Variants in CNTNAP2 observed in about 807,000 individuals in gnomAD.
CNTNAP2 encodes the protein contactin-associated protein-like 2.
CNTNAP2 carries 98 observed loss-of-function variants against 155.2 expected under a neutral mutation model. The ratio of observed to expected loss-of-function variants is 0.63; its 90% CI spans 0.54 to 0.75. The LOEUF is 0.75. Among genes scored for constraint, CNTNAP2 ranks in the 30% least tolerant of loss-of-function variants. The pLI, the probability that CNTNAP2 is intolerant of heterozygous loss-of-function variation, is 0.00. For missense variants in CNTNAP2, 1,727 were observed against 1,688.1 expected (o/e 1.02, Z -0.40); for synonymous variants, 651 against 631.2 (o/e 1.03, Z -0.47).
intron 3 of CNTNAP2, among the ~76,000 whole-genome samples, chr7:147,035,672 T>A (rs551857195): frequency 2.6e-5 from 4 of 152,294 alleles, no homozygotes; most frequent in African/African-American, 9.6e-5. Flanking sequence ...AATAGCTAAT[T>A]GTTTTAGGCA....
chr7:146,939,340 C>T (rs1033143609), intron 3 of CNTNAP2, among the ~76,000 whole-genome samples: 1 of 152,178 alleles, frequency 6.6e-6, no homozygotes, highest in Non-Finnish European at 1.5e-5. Flanking sequence ...ACATCTATAA[C>T]TAGCAAATAG....
chr7:147,006,785 T>C (rs1435479049), intron 3 of CNTNAP2, among the ~76,000 whole-genome samples: 1 of 152,104 alleles, frequency 6.6e-6, no homozygotes, highest in East Asian at 1.9e-4. Flanking sequence ...TGTTTCCTTG[T>C]AATGCTTTTG....
At chr7:147,006,108 C>T (rs1250437304) in intron 3 of CNTNAP2, among the ~76,000 whole-genome samples, 1 of 151,984 alleles carries the variant, frequency 6.6e-6, no homozygotes, top group African/African-American at 2.4e-5. Context: ...ACACCATGCA[C>T]ATGCATGTAT....
Position 147,003,002 on chromosome 7 carries a change from T to A in CNTNAP2, c.403-40905T>A, listed in dbSNP as rs188282634. ...GCAAACTGGAAAAGAAGACAAGGAT[T>A]TAGAAAACCAAAGGACTAACAGAAA... On this transcript the variant is annotated intron_variant, in intron 3 of 23. Transcript: ENST00000361727. 1.4e-3 allele frequency among the ~76,000 whole-genome samples: 214 copies of A among 148,984 alleles called. 3 individuals are homozygous for A. Among genetic ancestry groups the A allele is most frequent in the African/African-American group, 4.6e-3 (189 of 40,704 alleles).
At chr7:147,618,739 G>A (rs189538735) in intron 12 of CNTNAP2, among the ~76,000 whole-genome samples, 32 of 149,436 alleles carry the variant, frequency 2.1e-4, no homozygotes, top group African/African-American at 7.9e-4. Context: ...ACACTTATAC[G>A]ATTAAGAAAC....
intron 21 of CNTNAP2, among the ~76,000 whole-genome samples, chr7:148,271,871 C>T (rs1392111253): frequency 6.6e-6 from 1 of 152,128 alleles, no homozygotes; most frequent in Non-Finnish European, 1.5e-5. Context: ...GAACTTGCAA[C>T]TGATATGTAC....
At position 146,983,311 on chromosome 7, in the gene CNTNAP2, C is replaced by T. The variant is rs189838327; in HGVS notation, c.403-60596C>T. Among the ~76,000 whole-genome samples, 340 of 152,244 alleles carry T rather than the reference C, an allele frequency of 2.2e-3. 2 individuals are homozygous for T. Among genetic ancestry groups the T allele is most frequent in the African/African-American group, 6.9e-3 (285 of 41,540 alleles). ...TTAGCTCTGAAATTTTATTTACCCT[C>T]TTACCTAGAGGAAGAGTGCCAGTGT... is the stretch of plus-strand genomic sequence containing the variant. On this transcript the variant is annotated intron_variant, in intron 3 of 23. Coordinates refer to ENST00000361727, the MANE Select transcript of CNTNAP2 (RefSeq NM_014141.6).
intron 1 of CNTNAP2, among the ~76,000 whole-genome samples, chr7:146,721,762 G>GTCTACATATATATTCTATATATAT (rs1801328523): frequency 8.6e-6 from 1 of 116,744 alleles, no homozygotes; most frequent in Non-Finnish European, 1.7e-5. Context: ...TCTATATATA[G>GTCTACATATATATTCTATATATAT]TCTACATATA....
intron 21 of CNTNAP2, among the ~76,000 whole-genome samples, chr7:148,349,562 C>T (rs1293419873): frequency 2.0e-5 from 3 of 151,806 alleles, no homozygotes; most frequent in East Asian, 1.9e-4. Flanking sequence ...TCACCATGCC[C>T]GGCTAATTTT....
At chr7:146,516,791 C>T (rs1302164151) in intron 1 of CNTNAP2, among the ~76,000 whole-genome samples, 3 of 151,946 alleles carry the variant, frequency 2.0e-5, no homozygotes, top group Non-Finnish European at 4.4e-5. Flanking sequence ...TCCCTTGCCA[C>T]GCTTCTTTGC....
At chr7:146,764,532 A>T (rs897145592) in intron 1 of CNTNAP2, among the ~76,000 whole-genome samples, 13 of 150,210 alleles carry the variant, frequency 8.7e-5, no homozygotes, top group African/African-American at 2.4e-4. Flanking sequence ...AGCTTAATTT[A>T]AAAAAAAAGC....
At chr7:146,591,056 G>T (rs1381273885) in intron 1 of CNTNAP2, among the ~76,000 whole-genome samples, 1 of 152,052 alleles carries the variant, frequency 6.6e-6, no homozygotes, top group Admixed American at 6.6e-5. Flanking sequence ...CAGTCCACAG[G>T]TGTGGCTGAG....
chr7:147,886,289 A>G (rs1799596945), intron 13 of CNTNAP2, among the ~76,000 whole-genome samples: 1 of 152,036 alleles, frequency 6.6e-6, no homozygotes, highest in Non-Finnish European at 1.5e-5. Context: ...CCTGGCCAAC[A>G]TGGTGAAACC....
rs373568443 is a variant in CNTNAP2, at chr7:146,375,346, G to A, written c.97+258373G>A. ...CTCTGTGACATCTGCAGAGACATGC[G>A]GAGACCAGAGCAGACTCACCCAAAC... On this transcript the variant is annotated intron_variant, in intron 1 of 23. Transcript: ENST00000361727. 2.6e-4 allele frequency among the ~76,000 whole-genome samples: 39 copies of A among 152,238 alleles called. No homozygotes were observed. The East Asian group carries it at 6.6e-3, about 26-fold the overall frequency.
intron 3 of CNTNAP2, among the ~76,000 whole-genome samples, chr7:146,975,532 C>T (rs894728240): frequency 1.3e-5 from 2 of 152,104 alleles, no homozygotes; most frequent in African/African-American, 2.4e-5. Context: ...CACATCACTG[C>T]TGTGCATTCT....
At chr7:148,061,988 TA>T (rs1463651251) in intron 15 of CNTNAP2, among the ~76,000 whole-genome samples, 2,648 of 132,778 alleles carry the variant, frequency 0.02, 167 homozygotes, top group African/African-American at 0.076. Flanking sequence ...GATAGATAGA[TA>T]GATAGATAGA....
chr7:147,447,302 T>A (rs946109763), intron 10 of CNTNAP2, among the ~76,000 whole-genome samples: 4 of 152,182 alleles, frequency 2.6e-5, no homozygotes, highest in African/African-American at 9.7e-5. Context: ...ATATGTATGT[T>A]TGTATATAGA....
chr7:148,158,018 C>A (rs1805437232), intron 17 of CNTNAP2, among the ~76,000 whole-genome samples: 1 of 152,114 alleles, frequency 6.6e-6, no homozygotes, highest in African/African-American at 2.4e-5. Flanking sequence ...CACGCTCAGT[C>A]GGCTGCTATC....
At chr7:148,351,507 G>A (rs1193929365) in intron 21 of CNTNAP2, among the ~76,000 whole-genome samples, 1 of 151,922 alleles carries the variant, frequency 6.6e-6, no homozygotes, top group Non-Finnish European at 1.5e-5. Flanking sequence ...TACTTTGGGA[G>A]GCCGAGGTGG....
Sources: allele counts gnomAD v4.1 joint callset (sites outside exome capture counted in the v4.1 genomes callset), GRCh38; gene constraint gnomAD v4.1.1; transcripts MANE v1.5; gene names NCBI Gene and HGNC (gene_info 2026-07-23, HGNC 2026-07-21).